The following CEP152 variants were observed in gnomAD, a reference collection of about 807,000 sequenced individuals.
CEP152 encodes centrosomal protein 152.
A neutral mutation model predicts 188.9 loss-of-function variants in CEP152; 132 were observed. That is an observed-to-expected ratio of 0.70 (90% confidence interval 0.61 to 0.81). The LOEUF (loss-of-function observed/expected upper bound fraction) is 0.81, where lower values mean the gene tolerates loss of function less well. CEP152 is among the 30% of genes least tolerant of loss of function. CEP152 has a pLI of 0.00. For synonymous variants in CEP152, 649 were observed against 666.6 expected (o/e 0.97, Z 0.41); for missense variants, 1,914 against 1,969.8 (o/e 0.97, Z 0.54).
rs1234916230 is a variant in CEP152, at chr15:48,760,122, G to C, written c.2694+13C>G. ...GACAGCCTCCTGAAGTGTCTTTGCA[G>C]AAGAGCTCTTACCCTTTTGTTCACA... On this transcript the variant is annotated intron_variant, in intron 19 of 26. Transcript: ENST00000380950. 1.9e-6 allele frequency: 3 copies of C among 1,613,686 alleles called. No homozygotes were observed. The highest frequency in any genetic ancestry group is 2.5e-6 in the Non-Finnish European group (3 of 1,179,838).
chr15:48,754,126 C>A (rs1894088231), intron 20 of CEP152, among the ~76,000 whole-genome samples: 1 of 152,120 alleles, frequency 6.6e-6, no homozygotes, highest in South Asian at 2.1e-4. Context: ...ACTTCTATGA[C>A]AAATTCCAGA....
At chr15:48,810,435 T>G (rs890484998) in intron 1 of CEP152, 1 of 152,286 alleles carries the variant, frequency 6.6e-6, no homozygotes, top group Non-Finnish European at 1.5e-5. Context: ...TAACAGCACT[T>G]TGGACAAATT....
At chr15:48,808,294 G>A (rs1898118519) in intron 1 of CEP152, among the ~76,000 whole-genome samples, 1 of 148,282 alleles carries the variant, frequency 6.7e-6, no homozygotes. Context: ...AAATCCAAAA[G>A]CCATAAAGAA....
intron 7 of CEP152, among the ~76,000 whole-genome samples, chr15:48,792,099 T>C (rs1034591039): frequency 6.6e-6 from 1 of 152,082 alleles, no homozygotes; most frequent in Non-Finnish European, 1.5e-5. Context: ...TTCACGCCAT[T>C]CTCCTGCCTC....
At chr15:48,780,209 T>C (rs1246051575) in intron 12 of CEP152, among the ~76,000 whole-genome samples, 6 of 152,206 alleles carry the variant, frequency 3.9e-5, no homozygotes, top group African/African-American at 1.4e-4. Context: ...TCTTCTTTGC[T>C]TCCTTCTGGA....
intron 9 of CEP152, among the ~76,000 whole-genome samples, chr15:48,784,733 A>C (rs1896511240): frequency 6.6e-6 from 1 of 152,218 alleles, no homozygotes; most frequent in East Asian, 1.9e-4. Context: ...GCAGTGCCTT[A>C]GACATATCAA....
downstream of CEP152, among the ~76,000 whole-genome samples, chr15:48,735,561 G>A (rs376989694): frequency 3.3e-5 from 5 of 151,986 alleles, no homozygotes; most frequent in African/African-American, 4.8e-5. Flanking sequence ...ATGGTGAAAC[G>A]ATGTCTCTAC....
chr15:48,758,391 T>C (rs535066784), intron 19 of CEP152, among the ~76,000 whole-genome samples: 37 of 152,158 alleles, frequency 2.4e-4, no homozygotes, highest in African/African-American at 8.2e-4. Flanking sequence ...TACATCCAAG[T>C]GTAGTCCAAA....
intron 17 of CEP152, among the ~76,000 whole-genome samples, chr15:48,765,965 C>T (rs1174647559): frequency 6.6e-6 from 1 of 152,004 alleles, no homozygotes; most frequent in African/African-American, 2.4e-5. Context: ...AATTTTTATA[C>T]ATATAAAAGA....
chr15:48,771,748 G>GCAT (rs748983353), intron 13 of CEP152, among the ~76,000 whole-genome samples: 3 of 152,106 alleles, frequency 2.0e-5, no homozygotes, highest in Non-Finnish European at 4.4e-5. Flanking sequence ...TGCATTTAAT[G>GCAT]CATCTAACCT....
chr15:48,754,388 T>C (rs1259834465), intron 20 of CEP152, among the ~76,000 whole-genome samples: 1 of 152,136 alleles, frequency 6.6e-6, no homozygotes, highest in Admixed American at 6.6e-5. Flanking sequence ...TTATAACAGA[T>C]TTTATAACTG....
intron 10 of CEP152, 63 bp from the exon 11 acceptor site, chr15:48,782,293 A>G: frequency 7.1e-7 from 1 of 1,399,802 alleles, no homozygotes; most frequent in Non-Finnish European, 1.0e-6. Context: ...CTTATGATCT[A>G]CAGAAGACTT....
intron 13 of CEP152, among the ~76,000 whole-genome samples, chr15:48,770,871 T>C (rs1272385095): frequency 1.3e-5 from 2 of 152,118 alleles, no homozygotes; most frequent in Admixed American, 1.3e-4. Flanking sequence ...AATATAAAAA[T>C]TAACCACAAT....
Position 48,796,134 on chromosome 15 carries a change from C to A in CEP152, c.567G>T (p.Pro189=), listed in dbSNP as rs762343632. The A allele has an allele frequency of 2.5e-6, 4 of 1,613,694 alleles. No homozygotes were observed. The East Asian group carries it at 6.7e-5, about 27-fold the overall frequency. Residue 189 remains proline (P), a synonymous_variant, in exon 6 of 27, where the codon CCG becomes CCT. Coordinates refer to ENST00000380950, the MANE Select transcript of CEP152 (RefSeq NM_001194998.2). ...AAGGTTTATATGTCACTTTATTATA[C>A]GGTTCCAAACCTTGACAACTGGGAC... ...FQGPSCQGLE[P]YNKVTYKPYQ...
chr15:48,755,886 C>A lies in CEP152; in HGVS notation c.3345+17G>T. 6.2e-7 allele frequency: 1 copy of A among 1,612,934 alleles called. No homozygotes were observed. ...ATTCTTGGTGTTCAATACCTTCTCT[C>A]ACTCTCAGGAACATACCTTTTTCCA... On this transcript the variant is annotated intron_variant, in intron 20 of 26. Coordinates refer to ENST00000380950, the MANE Select transcript of CEP152 (RefSeq NM_001194998.2).
At chr15:48,804,464 G>A (rs1305099507) in intron 2 of CEP152, among the ~76,000 whole-genome samples, 1 of 152,120 alleles carries the variant, frequency 6.6e-6, no homozygotes, top group Non-Finnish European at 1.5e-5. Flanking sequence ...TTACATGTTA[G>A]AAAATGGGTC....
Position 48,782,228 on chromosome 15 carries a change from A to G in CEP152, c.1324T>C (p.Ser442Pro), listed in dbSNP as rs1567013318. The change falls in exon 11 of 27, where the codon TCA becomes CCA. Residue 442 changes from serine to proline, a missense_variant and splice_region_variant. Coordinates refer to ENST00000380950, the MANE Select transcript of CEP152 (RefSeq NM_001194998.2). ...KQCAHLLQSG[S>P]VQEVAQLQFQ... is the part of the protein sequence containing the mutation. Reference sequence around the variant, plus strand: ...TGTAGCTGAGCCACCTCTTGTACTGACCCTGCAGAGGAAAGAACCATAGGA... The same window carrying G: ...TGTAGCTGAGCCACCTCTTGTACTGGCCCTGCAGAGGAAAGAACCATAGGA... The G allele has an allele frequency of 6.2e-7, 1 of 1,613,590 alleles. No individual in the cohort carries two copies. The highest frequency in any genetic ancestry group is 8.5e-7 in the Non-Finnish European group (1 of 1,179,648).
chr15:48,807,473 T>C (rs1898055440), intron 1 of CEP152, among the ~76,000 whole-genome samples: 1 of 150,878 alleles, frequency 6.6e-6, no homozygotes, highest in African/African-American at 2.4e-5. Context: ...GAGAAGGGCG[T>C]GAACCCGGGA....
intron 2 of CEP152, among the ~76,000 whole-genome samples, chr15:48,731,598 G>C (rs1337119300): frequency 6.6e-6 from 1 of 152,062 alleles, no homozygotes; most frequent in East Asian, 1.9e-4. Flanking sequence ...AGAAAACCTA[G>C]GCAATACCAT....
Sources: gnomAD v4.1 joint callset for allele counts (sites outside exome capture counted in the v4.1 genomes callset) on GRCh38, gnomAD v4.1.1 for gene constraint, MANE v1.5 for transcripts, NCBI Gene and HGNC (gene_info 2026-07-23, HGNC 2026-07-21) for gene names.